CNTFR: variants seen among roughly 807,000 people sequenced by gnomAD.
CNTFR encodes the protein ciliary neurotrophic factor receptor subunit alpha.
Under a neutral mutation model 40.4 loss-of-function variants are expected in CNTFR, and 12 were observed. The observed-to-expected ratio is 0.30, with a 90% CI of 0.19 to 0.48. The LOEUF (loss-of-function observed/expected upper bound fraction) is 0.48. Among genes scored for constraint, CNTFR ranks in the 20% least tolerant of loss-of-function variants. CNTFR has a pLI of 0.99. For missense variants in CNTFR, 414 were observed against 506.8 expected, an observed-to-expected ratio of 0.82 and a Z score of 1.76; for synonymous variants, 202 against 209.6, an observed-to-expected ratio of 0.96 and a Z score of 0.31.
At chr9:34,553,864 C>T (rs937017161) in intron 7 of CNTFR, among the ~76,000 whole-genome samples, 1 of 152,246 alleles carries the variant, frequency 6.6e-6, no homozygotes, top group Non-Finnish European at 1.5e-5. Flanking sequence ...GAGGAGGGGG[C>T]CGCTCTGGGC....
intron 4 of CNTFR, among the ~76,000 whole-genome samples, chr9:34,563,704 C>G (rs903712420): frequency 2.0e-5 from 3 of 152,122 alleles, no homozygotes; most frequent in African/African-American, 7.2e-5. Flanking sequence ...GTCTTGACTC[C>G]TCCCACCTTC....
Position 34,589,660 on chromosome 9 carries a change from G to C in CNTFR, c.-217C>G, listed in dbSNP as rs909274586. ...GCACCGCCCGCCGGATCCCACCGCCGAGCCTCGCGCCGCGCCGGCTGGAGC... is the reference window on the plus strand; with the variant it reads ...GCACCGCCCGCCGGATCCCACCGCCCAGCCTCGCGCCGCGCCGGCTGGAGC... On this transcript the variant is annotated 5_prime_UTR_variant, in exon 1 of 10. Coordinates refer to ENST00000378980, the MANE Select transcript of CNTFR (RefSeq NM_147164.3). This position sits in a 1 kb window ranked among gnomAD's most constrained non-coding sequence, Gnocchi z 4.4. The C allele has an allele frequency of 6.4e-6, 1 of 155,086 alleles. No individual in the cohort carries two copies. Among genetic ancestry groups the C allele is most frequent in the South Asian group, 1.7e-4 (1 of 5,728 alleles). The allele number at this position is 155,086 out of a possible 1,614,324, so 9.6% of individuals were successfully genotyped here. A position where few individuals can be genotyped will look rare whatever the true frequency, so the allele number is the denominator to read the frequency against.
At chr9:34,567,010 A>G (rs1242284377) in intron 3 of CNTFR, among the ~76,000 whole-genome samples, 2 of 152,210 alleles carry the variant, frequency 1.3e-5, no homozygotes, top group African/African-American at 4.8e-5. Flanking sequence ...ACAAGCACAC[A>G]GTGTCACAAC....
At chr9:34,584,070 G>A (rs1827442701) in intron 1 of CNTFR, among the ~76,000 whole-genome samples, 1 of 152,104 alleles carries the variant, frequency 6.6e-6, no homozygotes, top group Non-Finnish European at 1.5e-5. Context: ...GAGGGCAGTG[G>A]CTCAGAAAAG....
chr9:34,579,257 G>C (rs1827164673), intron 2 of CNTFR, among the ~76,000 whole-genome samples: 1 of 152,068 alleles, frequency 6.6e-6, no homozygotes, highest in African/African-American at 2.4e-5. Context: ...CTGATTAATG[G>C]GGTTACGGGC....
At chr9:34,574,140 TG>T (rs1826834182) in intron 2 of CNTFR, among the ~76,000 whole-genome samples, 1 of 77,180 alleles carries the variant, frequency 1.3e-5, no homozygotes. Flanking sequence ...GCTTGGGGGG[TG>T]GGGGGACCAG....
chr9:34,579,290 C>T (rs529969041), intron 2 of CNTFR, among the ~76,000 whole-genome samples: 3 of 152,222 alleles, frequency 2.0e-5, no homozygotes, highest in East Asian at 1.9e-4. Context: ...GTCCGCCCGC[C>T]GCTCCCTCCT....
chr9:34,560,819 A>G (rs1272838637), intron 4 of CNTFR, among the ~76,000 whole-genome samples: 2 of 152,180 alleles, frequency 1.3e-5, no homozygotes, highest in African/African-American at 4.8e-5. Flanking sequence ...GCGCGTGTGT[A>G]TGTGTGCGTG....
intron 1 of CNTFR, among the ~76,000 whole-genome samples, chr9:34,583,438 C>T (rs1384506402): frequency 2.6e-5 from 4 of 152,184 alleles, no homozygotes; most frequent in Non-Finnish European, 4.4e-5. Flanking sequence ...TACCTAGCCT[C>T]AGAACCCTGT....
chr9:34,558,548 G>A (rs1295147537), intron 4 of CNTFR, among the ~76,000 whole-genome samples: 3 of 152,192 alleles, frequency 2.0e-5, no homozygotes, highest in Non-Finnish European at 4.4e-5. Context: ...CTGCATGCAG[G>A]GGTATACGTG....
At chr9:34,559,831 G>A (rs1825997480) in intron 4 of CNTFR, among the ~76,000 whole-genome samples, 1 of 152,170 alleles carries the variant, frequency 6.6e-6, no homozygotes, top group South Asian at 2.1e-4. Flanking sequence ...GGCAGAGCGG[G>A]CCACGGCACT....
chr9:34,555,561 C>A (rs1484310818), intron 7 of CNTFR, among the ~76,000 whole-genome samples: 1 of 152,112 alleles, frequency 6.6e-6, no homozygotes, highest in African/African-American at 2.4e-5. Flanking sequence ...TTGATCCAGA[C>A]CATAGTCTGA....
intron 4 of CNTFR, among the ~76,000 whole-genome samples, chr9:34,564,154 C>T (rs1222390610): frequency 6.6e-6 from 1 of 152,190 alleles, no homozygotes; most frequent in Non-Finnish European, 1.5e-5. Context: ...TTCCCTGGGG[C>T]CTCCTGGAGC....
At chr9:34,590,782 G>T (rs1459880541), upstream of CNTFR, among the ~76,000 whole-genome samples, 1 of 152,232 alleles carries the variant, frequency 6.6e-6, no homozygotes, top group Non-Finnish European at 1.5e-5. Context: ...CCTCCGGTCT[G>T]GCTGCAACAT....
intron 1 of CNTFR, among the ~76,000 whole-genome samples, chr9:34,585,561 T>C (rs1827502600): frequency 6.6e-6 from 1 of 152,184 alleles, no homozygotes; most frequent in African/African-American, 2.4e-5. Context: ...CCAGAGTGCC[T>C]AGCTCTGGTG....
At chr9:34,565,470 CA>C (rs1467835269) in intron 3 of CNTFR, among the ~76,000 whole-genome samples, 3 of 152,142 alleles carry the variant, frequency 2.0e-5, no homozygotes, top group Non-Finnish European at 4.4e-5. Flanking sequence ...AGGGCTCAGG[CA>C]GCAGCAGGAG....
At chr9:34,572,033 A>G (rs1826686506) in intron 2 of CNTFR, among the ~76,000 whole-genome samples, 1 of 152,004 alleles carries the variant, frequency 6.6e-6, no homozygotes, top group Non-Finnish European at 1.5e-5. Context: ...CCTCTAGCAC[A>G]ATGGAGGATG....
Position 34,568,931 on chromosome 9 carries a change from G to C in CNTFR, c.51C>G (p.Ala17=). 6.3e-7 allele frequency: 1 copy of C among 1,597,974 alleles called. No individual in the cohort carries two copies. The highest frequency in any genetic ancestry group is 1.1e-5 in the South Asian group (1 of 88,380). Residue 17 remains alanine (A), a synonymous_variant, in exon 3 of 10, where the codon GCC becomes GCG. Transcript: ENST00000378980. ...WACCAVLAAA[A]AVVYAQRHSP... Reference sequence around the variant, plus strand: ...TGTGTCTCTGGGCGTAGACAACTGCGGCGGCGGCGGCAAGCACAGCACAGC... The same window carrying C: ...TGTGTCTCTGGGCGTAGACAACTGCCGCGGCGGCGGCAAGCACAGCACAGC...
intron 7 of CNTFR, among the ~76,000 whole-genome samples, chr9:34,554,560 C>G (rs987177883): frequency 1.3e-5 from 2 of 152,174 alleles, no homozygotes; most frequent in Non-Finnish European, 2.9e-5. Context: ...GGGAGTCCTC[C>G]GTGGTCTGCT....
Sources: allele counts gnomAD v4.1 joint callset (sites outside exome capture counted in the v4.1 genomes callset), GRCh38; gene constraint gnomAD v4.1.1; non-coding constraint Gnocchi (gnomAD v3.1); transcripts MANE v1.5; gene names NCBI Gene and HGNC (gene_info 2026-07-23, HGNC 2026-07-21).